The following PDE2A variants were observed in gnomAD, a reference collection of about 807,000 sequenced individuals.
PDE2A encodes the protein phosphodiesterase 2A, also known as cGMP-dependent 3',5'-cyclic phosphodiesterase.
Under a neutral mutation model 133.6 loss-of-function variants are expected in PDE2A, and 53 were observed. The ratio of observed to expected loss-of-function variants is 0.40; its 90% CI spans 0.32 to 0.50. The LOEUF is 0.50. PDE2A is among the 20% of genes least tolerant of loss of function. PDE2A has a pLI of 0.73. For missense variants in PDE2A, 796 were observed against 1,232.4 expected (o/e 0.65, Z 5.30); for synonymous variants, 491 against 490.2 (o/e 1.00, Z -0.02).
intron 1 of PDE2A, among the ~76,000 whole-genome samples, chr11:72,660,748 C>T (rs1009781174): frequency 3.9e-5 from 6 of 152,026 alleles, no homozygotes; most frequent in South Asian, 2.1e-4. Flanking sequence ...CGGGTTAGGA[C>T]GCCAGGCATG....
rs200813223 is a variant in PDE2A at position 72,589,751 on chromosome 11, G to A, written c.873C>T (p.Pro291=). The change falls in exon 11 of 31, where the codon CCC becomes CCT. Residue 291 remains proline, a splice_region_variant and synonymous_variant. Transcript: ENST00000334456. ...ACGAGAAGACAGACGCGGGACTCAC[G>A]GGAAAGCTGACCTCTTCCCCGAGCA... ...DKVLGEEVSF[P]LTGCLGQVVE... is the part of the protein sequence containing the mutation. The A allele has an allele frequency of 8.7e-6, 14 of 1,613,636 alleles. No homozygotes were observed. Among genetic ancestry groups the A allele is most frequent in the East Asian group, 6.7e-5 (3 of 44,874 alleles).
intron 2 of PDE2A, chr11:72,614,979 C>A: frequency 2.6e-6 from 1 of 383,434 alleles, no homozygotes. Flanking sequence ...TCTTCCTCCC[C>A]TCCCTCCTCT....
chr11:72,672,152 G>C (rs746342338), intron 1 of PDE2A, among the ~76,000 whole-genome samples: 23 of 150,174 alleles, frequency 1.5e-4, no homozygotes, highest in Non-Finnish European at 2.2e-4. Flanking sequence ...ACCGAGGCAG[G>C]TTTCTTTATT....
intron 18 of PDE2A, 35 bp downstream of exon 18, chr11:72,584,516 A>G: frequency 6.4e-7 from 1 of 1,552,420 alleles, no homozygotes; most frequent in Non-Finnish European, 8.7e-7. Flanking sequence ...CGCCCGGCGC[A>G]GGCCCCGCCC....
Position 72,589,739 on chromosome 11 carries a change from C to G in PDE2A, c.873+12G>C, listed in dbSNP as rs1462410771. ...CTGCAGACTCCAACGAGAAGACAGA[C>G]GCGGGACTCACGGGAAAGCTGACCT... On this transcript the variant is annotated intron_variant, in intron 11 of 30. Coordinates refer to ENST00000334456, the MANE Select transcript of PDE2A (RefSeq NM_002599.5). 3 of 1,613,428 alleles carry G rather than the reference C, an allele frequency of 1.9e-6. No homozygotes were observed. Among genetic ancestry groups the G allele is most frequent in the Non-Finnish European group, 2.5e-6 (3 of 1,179,662 alleles).
At chr11:72,668,272 C>T (rs1855295357) in intron 1 of PDE2A, 1 of 718,206 alleles carries the variant, frequency 1.4e-6, no homozygotes, top group Non-Finnish European at 2.6e-6. Flanking sequence ...ATTTGTGCCC[C>T]AGGTCTGGCT....
chr11:72,630,189 G>A (rs551603533), intron 2 of PDE2A, among the ~76,000 whole-genome samples: 11 of 152,284 alleles, frequency 7.2e-5, no homozygotes, highest in South Asian at 6.2e-4. Context: ...GCCCTGCACC[G>A]GTACCCATCC....
intron 27 of PDE2A, 38 bp downstream of exon 27, chr11:72,579,246 C>T (rs371170518): frequency 2.0e-5 from 30 of 1,478,044 alleles, no homozygotes; most frequent in Non-Finnish European, 2.7e-5. Flanking sequence ...CCTGGTTGTT[C>T]CTCCCCAGCC....
intron 6 of PDE2A, among the ~76,000 whole-genome samples, chr11:72,596,320 A>G (rs1420381620): frequency 6.6e-6 from 1 of 152,130 alleles, no homozygotes; most frequent in Non-Finnish European, 1.5e-5. Context: ...CACACCCCTC[A>G]GAAAGCTGCT....
intron 1 of PDE2A, among the ~76,000 whole-genome samples, chr11:72,661,937 G>A (rs1278810698): frequency 6.6e-6 from 1 of 152,166 alleles, no homozygotes; most frequent in East Asian, 1.9e-4. Context: ...AGCATCTGTT[G>A]GTGTCTGTGT....
chr11:72,640,191 C>T (rs1858893139), intron 2 of PDE2A, among the ~76,000 whole-genome samples: 1 of 152,118 alleles, frequency 6.6e-6, no homozygotes, highest in Non-Finnish European at 1.5e-5. Flanking sequence ...ACGCACCTCA[C>T]ACACCTCTCA....
intron 1 of PDE2A, among the ~76,000 whole-genome samples, chr11:72,650,279 TC>T (rs1854695179): frequency 6.6e-6 from 1 of 151,998 alleles, no homozygotes; most frequent in African/African-American, 2.4e-5. Flanking sequence ...TGCCTTGGCC[TC>T]CCAAAGTGCT....
chr11:72,583,573 G>C (rs1855818248), intron 19 of PDE2A, 58 bp from the exon 20 acceptor site: 10 of 1,150,806 alleles, frequency 8.7e-6, no homozygotes, highest in Admixed American at 3.4e-5. Flanking sequence ...ATTTAGCAAT[G>C]CCCAGGACTG....
chr11:72,588,846 G>A lies in PDE2A; in HGVS notation c.1008C>T (p.Ile336=). 1 of 1,611,752 alleles carries A rather than the reference G, an allele frequency of 6.2e-7. No homozygotes were observed. The highest frequency in any genetic ancestry group is 8.5e-7 in the Non-Finnish European group (1 of 1,178,356). ...CCACCACCTGGTCAGTGGCCCGGCT[G>A]ATGACAGGGACACAGAGCATGGCCT... ...ELQAMLCVPV[I]SRATDQVVAL... The change falls in exon 13 of 31, where the codon ATC becomes ATT. Residue 336 remains isoleucine (I), a synonymous_variant. Transcript: ENST00000334456.
chr11:72,605,610 C>T (rs933738539), intron 3 of PDE2A, among the ~76,000 whole-genome samples: 1 of 152,240 alleles, frequency 6.6e-6, no homozygotes, highest in Admixed American at 6.5e-5. Context: ...AATAACTGAG[C>T]ATCCACTCTG....
chr11:72,588,735 C>T, intron 13 of PDE2A, 49 bp downstream of exon 13: 1 of 1,549,180 alleles, frequency 6.5e-7, no homozygotes, highest in Non-Finnish European at 8.8e-7. Context: ...GAGCCCTAGC[C>T]AGCCTCTCAG....
At chr11:72,642,446 C>T (rs1415022727) in intron 1 of PDE2A, 120 bp from the exon 2 acceptor site, 1 of 1,138,738 alleles carries the variant, frequency 8.8e-7, no homozygotes, top group Non-Finnish European at 1.1e-6. Context: ...ACAGCTTCGC[C>T]TGGTCCGCCC....
intron 1 of PDE2A, among the ~76,000 whole-genome samples, chr11:72,660,520 C>T (rs1257440179): frequency 2.0e-5 from 3 of 152,186 alleles, no homozygotes; most frequent in Admixed American, 2.0e-4. Flanking sequence ...GAGCCAGGTA[C>T]ATTACACACT....
intron 16 of PDE2A, 80 bp from the exon 17 acceptor site, chr11:72,585,024 C>A: frequency 7.0e-7 from 1 of 1,428,660 alleles, no homozygotes; most frequent in South Asian, 1.2e-5. Flanking sequence ...AGGCAAAGGC[C>A]GGATTTCCGA....
Sources: allele counts gnomAD v4.1 joint callset (sites outside exome capture counted in the v4.1 genomes callset), GRCh38; gene constraint gnomAD v4.1.1; transcripts MANE v1.5; gene names NCBI Gene and HGNC (gene_info 2026-07-23, HGNC 2026-07-21).